COMMD1: variants seen among roughly 807,000 people sequenced by gnomAD.
The protein encoded by COMMD1 is copper metabolism domain containing 1, also known as COMM domain-containing protein 1.
In COMMD1, 10 loss-of-function variants were observed where a neutral mutation model predicts 17.2. The observed-to-expected ratio is 0.58, with a 90% CI of 0.36 to 0.99. The LOEUF (loss-of-function observed/expected upper bound fraction) is 0.99. Among genes scored for constraint, COMMD1 ranks in the 50% least tolerant of loss-of-function variants. The probability of loss-of-function intolerance (pLI) is 0.01; values close to 1 mark genes in which losing one functional copy is unlikely to be tolerated. For missense variants in COMMD1, 270 were observed against 231.8 expected (o/e 1.17, Z -1.07); for synonymous variants, 97 against 91.6 (o/e 1.06, Z -0.34).
chr2:62,119,800 A>T (rs1282726159), intron 2 of COMMD1, among the ~76,000 whole-genome samples: 1 of 152,124 alleles, frequency 6.6e-6, no homozygotes, highest in Non-Finnish European at 1.5e-5. Flanking sequence ...TCTGCCAAGG[A>T]GTTTCAAATT....
intron 2 of COMMD1, among the ~76,000 whole-genome samples, chr2:62,044,725 T>G (rs1368889858): frequency 1.3e-5 from 2 of 151,880 alleles, no homozygotes; most frequent in African/African-American, 4.8e-5. Context: ...AATTGAAAAG[T>G]TACATTAATG....
intron 2 of COMMD1, among the ~76,000 whole-genome samples, chr2:62,127,479 C>T (rs1672914884): frequency 6.6e-6 from 1 of 152,154 alleles, no homozygotes; most frequent in Non-Finnish European, 1.5e-5. Context: ...TCAAACTATA[C>T]TACAAGGCCA....
chr2:61,990,891 A>C (rs6545919), intron 1 of COMMD1, among the ~76,000 whole-genome samples: 1 of 103,910 alleles, frequency 9.6e-6, no homozygotes, highest in East Asian at 4.0e-4. Flanking sequence ...AAAAAAAAAA[A>C]ATATATATAT....
At chr2:62,064,142 A>G (rs1670959501) in intron 2 of COMMD1, among the ~76,000 whole-genome samples, 1 of 151,820 alleles carries the variant, frequency 6.6e-6, no homozygotes, top group Non-Finnish European at 1.5e-5. Flanking sequence ...TCTGCTGATT[A>G]TCACACATAG....
At chr2:62,049,753 T>C (rs1670487410) in intron 2 of COMMD1, among the ~76,000 whole-genome samples, 1 of 152,216 alleles carries the variant, frequency 6.6e-6, no homozygotes, top group Non-Finnish European at 1.5e-5. Flanking sequence ...TTTCAGACTT[T>C]ATTAAAAGTT....
intron 2 of COMMD1, among the ~76,000 whole-genome samples, chr2:62,018,077 G>C (rs936056343): frequency 3.3e-5 from 5 of 152,026 alleles, no homozygotes; most frequent in Non-Finnish European, 5.9e-5. Flanking sequence ...ACTTTATGTG[G>C]AGGTAAGATC....
chr2:62,127,457 T>TG (rs1465374921), intron 2 of COMMD1, among the ~76,000 whole-genome samples: 1 of 152,190 alleles, frequency 6.6e-6, no homozygotes, highest in Non-Finnish European at 1.5e-5. Flanking sequence ...GAAGATATCA[T>TG]GCTACCAGAC....
chr2:62,112,061 G>T (rs1672469431), intron 2 of COMMD1, among the ~76,000 whole-genome samples: 1 of 152,206 alleles, frequency 6.6e-6, no homozygotes, highest in Admixed American at 6.5e-5. Flanking sequence ...CAACAAGTCT[G>T]CTATTTTCAA....
chr2:61,916,342 T>C (rs1670051071), intron 1 of COMMD1, among the ~76,000 whole-genome samples: 1 of 152,218 alleles, frequency 6.6e-6, no homozygotes, highest in East Asian at 1.9e-4. Context: ...AACAATATAC[T>C]ACTATGTTTA....
intron 1 of COMMD1, among the ~76,000 whole-genome samples, chr2:61,958,587 A>C (rs1671258294): frequency 6.6e-6 from 1 of 152,168 alleles, no homozygotes; most frequent in South Asian, 2.1e-4. Context: ...ATTTTTATTT[A>C]ATACACAGTC....
At chr2:62,135,178 CTT>C (rs1673157668) in intron 2 of COMMD1, among the ~76,000 whole-genome samples, 1 of 152,150 alleles carries the variant, frequency 6.6e-6, no homozygotes, top group Non-Finnish European at 1.5e-5. Flanking sequence ...AGGTTAACCT[CTT>C]TGTGCCTCAG....
At chr2:62,048,570 A>G (rs531633908) in intron 2 of COMMD1, among the ~76,000 whole-genome samples, 2 of 152,236 alleles carry the variant, frequency 1.3e-5, no homozygotes, top group Admixed American at 6.5e-5. Context: ...TGCAAGAATG[A>G]GGTGACCATT....
intron 1 of COMMD1, among the ~76,000 whole-genome samples, chr2:62,000,295 C>G (rs1365334017): frequency 2.3e-5 from 3 of 132,474 alleles, no homozygotes; most frequent in African/African-American, 8.7e-5. Context: ...TTTTTTGAGA[C>G]AGGGTCTCTC....
intron 2 of COMMD1, among the ~76,000 whole-genome samples, chr2:62,128,281 T>C (rs1672936508): frequency 6.7e-6 from 1 of 150,108 alleles, no homozygotes; most frequent in Non-Finnish European, 1.5e-5. Flanking sequence ...TGAGCTGAGA[T>C]GGCACTTCTT....
chr2:62,054,283 T>C (rs1315881432), intron 2 of COMMD1, among the ~76,000 whole-genome samples: 1 of 152,180 alleles, frequency 6.6e-6, no homozygotes, highest in Admixed American at 6.5e-5. Context: ...CAAGATAGTA[T>C]GAAGTTATCT....
chr2:62,062,944 C>T (rs1670907733), intron 2 of COMMD1, among the ~76,000 whole-genome samples: 2 of 151,890 alleles, frequency 1.3e-5, no homozygotes, highest in Admixed American at 6.5e-5. Context: ...GCTGGCCAGG[C>T]ATGGTGGCTC....
chr2:62,061,370 G>A (rs1432930488), intron 2 of COMMD1, among the ~76,000 whole-genome samples: 1 of 152,094 alleles, frequency 6.6e-6, no homozygotes, highest in African/African-American at 2.4e-5. Flanking sequence ...ACTTGACTGA[G>A]TCTAACACCA....
At chr2:62,044,655 T>C (rs1670330242) in intron 2 of COMMD1, among the ~76,000 whole-genome samples, 1 of 152,178 alleles carries the variant, frequency 6.6e-6, no homozygotes, top group Non-Finnish European at 1.5e-5. Flanking sequence ...TTTCTTTTTT[T>C]ACATTTGTTT....
intron 2 of COMMD1, among the ~76,000 whole-genome samples, chr2:62,067,903 C>G (rs536397151): frequency 3.8e-4 from 58 of 152,306 alleles, no homozygotes; most frequent in Middle Eastern, 3.4e-3. Flanking sequence ...GTACAGTGTT[C>G]TGTGCCCTGA....
Sources: allele counts gnomAD v4.1 joint callset (sites outside exome capture counted in the v4.1 genomes callset), GRCh38; gene constraint gnomAD v4.1.1; transcripts MANE v1.5; gene names NCBI Gene and HGNC (gene_info 2026-07-23, HGNC 2026-07-21).